Variants in RERG observed in about 807,000 individuals in gnomAD.
The protein encoded by RERG is RAS like estrogen regulated growth inhibitor, also known as ras-related and estrogen-regulated growth inhibitor.
Under a neutral mutation model 23.2 loss-of-function variants are expected in RERG, and 25 were observed. The observed-to-expected ratio is 1.08, with a 90% CI of 0.79 to 1.50. The LOEUF is 1.50. Among genes scored for constraint, RERG ranks in the 40% most tolerant of loss-of-function variants. RERG has a pLI of 0.00. For missense variants in RERG, 253 were observed against 250.1 expected (o/e 1.01, Z -0.08); for synonymous variants, 81 against 89.1 (o/e 0.91, Z 0.51).
chr12:15,202,144 T>C (rs956205355), intron 2 of RERG, among the ~76,000 whole-genome samples: 4 of 151,858 alleles, frequency 2.6e-5, no homozygotes, highest in Non-Finnish European at 4.4e-5. Flanking sequence ...AAACTGTATA[T>C]ATTTAATGTT....
chr12:15,161,167 AAAG>A (rs1223960633), intron 2 of RERG, among the ~76,000 whole-genome samples: 1 of 138,670 alleles, frequency 7.2e-6, no homozygotes, highest in Non-Finnish European at 1.6e-5. Flanking sequence ...AGAAAGAAAG[AAAG>A]AAAGAAAGAA....
intron 2 of RERG, among the ~76,000 whole-genome samples, chr12:15,135,891 G>A (rs1387435916): frequency 6.6e-6 from 1 of 151,966 alleles, no homozygotes; most frequent in Non-Finnish European, 1.5e-5. Context: ...CCTGCTTTTG[G>A]TATTAGGATA....
intron 1 of RERG, among the ~76,000 whole-genome samples, chr12:15,218,327 C>T (rs571210166): frequency 2.6e-5 from 4 of 152,128 alleles, no homozygotes; most frequent in Non-Finnish European, 5.9e-5. Flanking sequence ...AAAGTAAGCA[C>T]ATCTTATTTA....
At chr12:15,148,847 GTTTTTTTTTTTTTTTTTTTTTTTTTTT>G (rs56033971) in intron 2 of RERG, among the ~76,000 whole-genome samples, 8 of 45,530 alleles carry the variant, frequency 1.8e-4, no homozygotes, top group East Asian at 9.3e-4. Flanking sequence ...CTTTAACTCT[GTTTTTTTTTTTTTTTTTTTTTTTTTTT>G]TTTTTTTTTT....
At chr12:15,122,796 T>G (rs536180612) in intron 2 of RERG, among the ~76,000 whole-genome samples, 3 of 151,794 alleles carry the variant, frequency 2.0e-5, no homozygotes, top group South Asian at 2.1e-4. Flanking sequence ...TTGTTTTTTT[T>G]TTTGTTTTTT....
chr12:15,132,834 C>G (rs768821888), intron 2 of RERG, among the ~76,000 whole-genome samples: 8 of 151,962 alleles, frequency 5.3e-5, no homozygotes, highest in African/African-American at 9.7e-5. Flanking sequence ...TATTTGCTAT[C>G]CGTGTATCTT....
intron 2 of RERG, among the ~76,000 whole-genome samples, chr12:15,138,777 TCA>T (rs1267327435): frequency 1.1e-4 from 17 of 152,116 alleles, no homozygotes; most frequent in Admixed American, 5.2e-4. Context: ...TTCATTCTAT[TCA>T]CAGTGTCTTT....
rs373397943 is a variant in RERG at position 15,197,118 on chromosome 12, A to C, written c.61+20311T>G. Among the ~76,000 whole-genome samples the C allele has an allele frequency of 4.6e-5, 7 of 152,334 alleles. No individual in the cohort carries two copies. The East Asian group carries it at 1.2e-3, about 25-fold the overall frequency. ...GCAGTATTTTATTCTCCAAATATTT[A>C]CTGAGCAACTAGAATATGTCAGACA... On this transcript the variant is annotated intron_variant, in intron 2 of 4. Transcript: ENST00000256953.
At chr12:15,167,674 T>C (rs1864715475) in intron 2 of RERG, among the ~76,000 whole-genome samples, 1 of 152,158 alleles carries the variant, frequency 6.6e-6, no homozygotes, top group Admixed American at 6.5e-5. Flanking sequence ...AAAAAGATAG[T>C]AGTAGTGGGT....
At chr12:15,114,667 T>G (rs924917252) in intron 3 of RERG, 4 of 152,160 alleles carry the variant, frequency 2.6e-5, no homozygotes, top group Non-Finnish European at 4.4e-5. Flanking sequence ...AATTCACTAG[T>G]GTTCGGTGTG....
chr12:15,151,589 G>C (rs1393274215), intron 2 of RERG, among the ~76,000 whole-genome samples: 1 of 152,132 alleles, frequency 6.6e-6, no homozygotes, highest in Non-Finnish European at 1.5e-5. Flanking sequence ...TTGAGATGGG[G>C]GGAAAAATGC....
chr12:15,128,396 G>C (rs1271803840), intron 2 of RERG, among the ~76,000 whole-genome samples: 1 of 151,788 alleles, frequency 6.6e-6, no homozygotes, highest in Non-Finnish European at 1.5e-5. Flanking sequence ...TTTCTTATGA[G>C]TTTCCTCAGT....
intron 2 of RERG, among the ~76,000 whole-genome samples, chr12:15,159,425 T>C (rs1864571011): frequency 6.6e-6 from 1 of 152,248 alleles, no homozygotes; most frequent in Non-Finnish European, 1.5e-5. Flanking sequence ...TATTATTGAT[T>C]TAACTATATA....
chr12:15,200,290 C>G (rs924431622), intron 2 of RERG, among the ~76,000 whole-genome samples: 6 of 151,878 alleles, frequency 4.0e-5, no homozygotes, highest in African/African-American at 1.2e-4. Context: ...TCTAATGAAC[C>G]TGAAAAAATG....
intron 2 of RERG, among the ~76,000 whole-genome samples, chr12:15,192,510 T>C (rs1371605289): frequency 3.9e-5 from 6 of 152,296 alleles, no homozygotes; most frequent in Admixed American, 3.3e-4. Context: ...ATTTTAGACA[T>C]ATAAAAGTTA....
intron 3 of RERG, among the ~76,000 whole-genome samples, chr12:15,115,871 G>A (rs1469950406): frequency 6.6e-6 from 1 of 152,040 alleles, no homozygotes; most frequent in Admixed American, 6.5e-5. Flanking sequence ...ACTTCCATCA[G>A]TACTGTGTAG....
At chr12:15,180,011 A>G (rs1864902846) in intron 2 of RERG, among the ~76,000 whole-genome samples, 2 of 152,226 alleles carry the variant, frequency 1.3e-5, no homozygotes. Flanking sequence ...GACGAAGAAG[A>G]GATATAAAAT....
At chr12:15,171,818 A>G (rs1400564751) in intron 2 of RERG, among the ~76,000 whole-genome samples, 1 of 152,188 alleles carries the variant, frequency 6.6e-6, no homozygotes, top group African/African-American at 2.4e-5. Context: ...AAAATAATAG[A>G]GGTTATTGGT....
intron 2 of RERG, among the ~76,000 whole-genome samples, chr12:15,135,999 A>G (rs1347217980): frequency 6.6e-6 from 1 of 152,054 alleles, no homozygotes; most frequent in Non-Finnish European, 1.5e-5. Context: ...TAAATGATAG[A>G]ACTCACTAGT....
Sources: allele counts gnomAD v4.1 joint callset (sites outside exome capture counted in the v4.1 genomes callset), GRCh38; gene constraint gnomAD v4.1.1; transcripts MANE v1.5; gene names NCBI Gene and HGNC (gene_info 2026-07-23, HGNC 2026-07-21).